Variants in NUP153 observed in about 807,000 individuals in gnomAD.
The protein encoded by NUP153 is nucleoporin 153.
Under a neutral mutation model 134.6 loss-of-function variants are expected in NUP153, and 27 were observed. The ratio of observed to expected loss-of-function variants is 0.20; its 90% CI spans 0.15 to 0.28. The LOEUF is 0.28. Ranked by LOEUF, NUP153 falls within the 10% of genes least tolerant of loss-of-function variation. NUP153 has a pLI of 1.00. For synonymous variants in NUP153, 640 were observed against 623.5 expected (o/e 1.03, Z -0.40); for missense variants, 1,821 against 1,731.3 (o/e 1.05, Z -0.92).
intron 14 of NUP153, among the ~76,000 whole-genome samples, chr6:17,645,743 C>A (rs1766132729): frequency 6.6e-6 from 1 of 152,102 alleles, no homozygotes; most frequent in South Asian, 2.1e-4. Flanking sequence ...ATGTAGACAA[C>A]CTATAAATTT....
In NUP153 at chr6:17,648,002, A is replaced by G. The variant is rs927887938; in HGVS notation, c.1534-97T>C. 2.0e-5 allele frequency: 15 copies of G among 733,016 alleles called. No homozygotes were observed. In the African/African-American group the frequency reaches 2.5e-4, roughly 12 times the overall value. 45.4% of individuals were successfully genotyped at this position (733,016 alleles called of 1,614,324 possible). A position where few individuals can be genotyped will look rare whatever the true frequency, so the allele number is the denominator to read the frequency against. The stretch of plus-strand genomic sequence containing the variant: ...TAAGCAAACTGATTATTCCAAAGAC[A>G]CTAAGTATTTTTTCCTTTTAAATTT... On this transcript the variant is annotated intron_variant, in intron 12 of 21. Coordinates refer to ENST00000262077, the MANE Select transcript of NUP153 (RefSeq NM_005124.4).
At chr6:17,667,546 C>G (rs1488584705) in intron 8 of NUP153, among the ~76,000 whole-genome samples, 1 of 152,100 alleles carries the variant, frequency 6.6e-6, no homozygotes, top group African/African-American at 2.4e-5. Context: ...AACCCCATCT[C>G]TACTAAAAAT....
At chr6:17,667,665 G>C (rs114937587) in intron 8 of NUP153, among the ~76,000 whole-genome samples, 65 of 152,240 alleles carry the variant, frequency 4.3e-4, no homozygotes, top group African/African-American at 1.5e-3. Flanking sequence ...AGTGAGCTGC[G>C]ACTGTGCCAC....
chr6:17,649,812 G>T (rs754263932), intron 11 of NUP153, among the ~76,000 whole-genome samples: 6 of 152,076 alleles, frequency 3.9e-5, no homozygotes, highest in Non-Finnish European at 8.8e-5. Context: ...TTTCATCATA[G>T]ATATGTATGT....
chr6:17,652,521 G>A (rs1031943508), intron 11 of NUP153, among the ~76,000 whole-genome samples: 1 of 151,910 alleles, frequency 6.6e-6, no homozygotes, highest in South Asian at 2.1e-4. Flanking sequence ...GTAGCCCGGG[G>A]ATAGGCAAAA....
intron 14 of NUP153, among the ~76,000 whole-genome samples, chr6:17,644,675 G>T (rs1459692301): frequency 6.6e-6 from 1 of 152,154 alleles, no homozygotes; most frequent in African/African-American, 2.4e-5. Flanking sequence ...AGGCACAGTG[G>T]CTCACGTCTG....
intron 18 of NUP153, among the ~76,000 whole-genome samples, chr6:17,627,868 C>T (rs1156486858): frequency 2.6e-5 from 4 of 152,140 alleles, no homozygotes; most frequent in Non-Finnish European, 4.4e-5. Flanking sequence ...GTGATCTTTG[C>T]CAATAGGTAA....
intron 11 of NUP153, among the ~76,000 whole-genome samples, chr6:17,652,574 A>T (rs4716169): frequency 0.46 from 69,200 of 151,992 alleles, 16,503 homozygotes; most frequent in Middle Eastern, 0.75. Flanking sequence ...TAGAAAAAAA[A>T]ATCCAGTCTT....
intron 11 of NUP153, among the ~76,000 whole-genome samples, chr6:17,655,082 C>T (rs149745966): frequency 3.5e-4 from 53 of 152,178 alleles, no homozygotes; most frequent in African/African-American, 1.1e-3. Context: ...TATACTGCTA[C>T]ATGTTTTGTA....
At chr6:17,679,746 T>C (rs1055607319) in intron 2 of NUP153, among the ~76,000 whole-genome samples, 21 of 152,200 alleles carry the variant, frequency 1.4e-4, no homozygotes, top group Admixed American at 2.6e-4. Flanking sequence ...CTCGCTGATG[T>C]TACACATGCT....
intron 17 of NUP153, among the ~76,000 whole-genome samples, chr6:17,630,829 G>A (rs915022580): frequency 6.6e-6 from 1 of 151,630 alleles, no homozygotes; most frequent in Admixed American, 6.6e-5. Context: ...GAAAAGAGAA[G>A]AGAGCAAGCA....
intron 1 of NUP153, among the ~76,000 whole-genome samples, chr6:17,702,714 C>G (rs1770198838): frequency 6.6e-6 from 1 of 152,016 alleles, no homozygotes; most frequent in South Asian, 2.1e-4. Flanking sequence ...ACACCATTTC[C>G]TAAATGCATC....
intron 2 of NUP153, among the ~76,000 whole-genome samples, chr6:17,683,180 G>A (rs1213725690): frequency 6.6e-6 from 1 of 152,016 alleles, no homozygotes; most frequent in Non-Finnish European, 1.5e-5. Context: ...ACCTCCTCCT[G>A]TAAATCACAA....
chr6:17,695,665 A>G (rs1387021922), intron 1 of NUP153, among the ~76,000 whole-genome samples: 1 of 152,218 alleles, frequency 6.6e-6, no homozygotes, highest in East Asian at 1.9e-4. Context: ...AAATTTTTAA[A>G]AAACTACTAC....
At chr6:17,703,591 GTGGGTAGACCC>G (rs928467207) in intron 1 of NUP153, among the ~76,000 whole-genome samples, 1 of 151,452 alleles carries the variant, frequency 6.6e-6, no homozygotes, top group African/African-American at 2.4e-5. Context: ...TAAACAGCAA[GTGGGTAGACCC>G]TATGTCCACC....
Position 17,674,951 on chromosome 6 carries a change from G to A in NUP153, c.806C>T (p.Ala269Val). 6.2e-7 allele frequency: 1 copy of A among 1,613,618 alleles called. No homozygotes were observed. The highest frequency in any genetic ancestry group is 8.5e-7 in the Non-Finnish European group (1 of 1,179,728). Residue 269 changes from alanine (A) to valine (V), a missense_variant, in exon 5 of 22, where the codon GCA becomes GTA. By Grantham distance (64) the Ala-to-Val change is moderately conservative (BLOSUM62 0). Transcript: ENST00000262077. ...FYPGKTTYGG[A>V]AAAVRQSKLR... ...TTTAGACTGTCTTACAGCAGCTGCT[G>A]CCCCACCGTATGTTGTTTTTCCAGG...
intron 11 of NUP153, among the ~76,000 whole-genome samples, chr6:17,657,656 G>C (rs1210387699): frequency 1.3e-5 from 2 of 152,034 alleles, no homozygotes; most frequent in East Asian, 3.9e-4. Context: ...TGCATCATCT[G>C]GCAAATAAAG....
At chr6:17,636,590 A>T (rs1444267683) in intron 16 of NUP153, among the ~76,000 whole-genome samples, 2 of 152,342 alleles carry the variant, frequency 1.3e-5, no homozygotes, top group African/African-American at 4.8e-5. Flanking sequence ...CTTCTGGATG[A>T]GTTAAAGATT....
At chr6:17,681,932 T>TGTG (rs1768603134) in intron 2 of NUP153, among the ~76,000 whole-genome samples, 1 of 152,050 alleles carries the variant, frequency 6.6e-6, no homozygotes, top group South Asian at 2.1e-4. Flanking sequence ...ACAGGCCAGG[T>TGTG]GTGGTGGCTC....
Sources: allele counts gnomAD v4.1 joint callset (sites outside exome capture counted in the v4.1 genomes callset), GRCh38; gene constraint gnomAD v4.1.1; transcripts MANE v1.5; gene names NCBI Gene and HGNC (gene_info 2026-07-23, HGNC 2026-07-21).